The following SLC25A21 variants were observed in gnomAD, a reference collection of about 807,000 sequenced individuals.
The protein encoded by SLC25A21 is mitochondrial 2-oxodicarboxylate carrier.
SLC25A21 carries 47 observed loss-of-function variants against 43.8 expected under a neutral mutation model. The ratio of observed to expected loss-of-function variants is 1.07; its 90% CI spans 0.85 to 1.37. The LOEUF (loss-of-function observed/expected upper bound fraction) is 1.37, where lower values mean the gene tolerates loss of function less well. Among genes scored for constraint, SLC25A21 ranks in the 40% most tolerant of loss-of-function variants. SLC25A21 has a pLI of 0.00. For missense variants in SLC25A21, 352 were observed against 350.2 expected (o/e 1.00, Z -0.04); for synonymous variants, 131 against 121.3 (o/e 1.08, Z -0.52).
At chr14:36,902,575 C>T (rs1002774993) in intron 1 of SLC25A21, among the ~76,000 whole-genome samples, 6 of 152,166 alleles carry the variant, frequency 3.9e-5, no homozygotes, top group Non-Finnish European at 7.3e-5. Context: ...TCATAAACTA[C>T]TAGAAATTAT....
intron 3 of SLC25A21, among the ~76,000 whole-genome samples, chr14:36,747,934 C>A (rs901852249): frequency 2.6e-5 from 4 of 152,134 alleles, no homozygotes; most frequent in Non-Finnish European, 5.9e-5. Context: ...GTTTGTATTT[C>A]TACAGGAATT....
At chr14:36,924,420 T>G (rs1213767412) in intron 1 of SLC25A21, among the ~76,000 whole-genome samples, 2 of 151,520 alleles carry the variant, frequency 1.3e-5, no homozygotes, top group African/African-American at 2.4e-5. Context: ...GCAAACTATC[T>G]CAAGGACAAA....
chr14:37,158,163 A>C (rs1456768529), intron 1 of SLC25A21, among the ~76,000 whole-genome samples: 1 of 152,176 alleles, frequency 6.6e-6, no homozygotes, highest in Non-Finnish European at 1.5e-5. Flanking sequence ...TACAAAGAAA[A>C]ACTAATACCA....
intron 1 of SLC25A21, among the ~76,000 whole-genome samples, chr14:37,108,188 T>C (rs1962950334): frequency 6.6e-6 from 1 of 152,214 alleles, no homozygotes; most frequent in Non-Finnish European, 1.5e-5. Flanking sequence ...TTTCAAGTGT[T>C]ATACATGTCA....
intron 7 of SLC25A21, among the ~76,000 whole-genome samples, chr14:36,687,351 T>C (rs1409162328): frequency 6.6e-6 from 1 of 151,370 alleles, no homozygotes; most frequent in Admixed American, 6.6e-5. Flanking sequence ...TTTTACAAAA[T>C]ACAGATGCCT....
chr14:36,841,092 C>CCTTGAGTTT (rs1889370203), intron 2 of SLC25A21, among the ~76,000 whole-genome samples: 1 of 152,092 alleles, frequency 6.6e-6, no homozygotes, highest in Non-Finnish European at 1.5e-5. Context: ...ACCCAGATAG[C>CCTTGAGTTT]CTTGAGTTTC....
At chr14:36,689,284 T>C (rs1308565352) in intron 7 of SLC25A21, among the ~76,000 whole-genome samples, 1 of 152,184 alleles carries the variant, frequency 6.6e-6, no homozygotes, top group African/African-American at 2.4e-5. Context: ...CCTGCCTCCA[T>C]GATTCAACCA....
chr14:36,931,639 G>GT, intron 1 of SLC25A21, among the ~76,000 whole-genome samples: 1 of 152,276 alleles, frequency 6.6e-6, no homozygotes, highest in South Asian at 2.1e-4. Context: ...GGGGTTACGT[G>GT]TTAGAGGACT....
chr14:36,865,031 C>CA (rs1566687463), intron 2 of SLC25A21, among the ~76,000 whole-genome samples: 1 of 145,376 alleles, frequency 6.9e-6, no homozygotes, highest in Non-Finnish European at 1.5e-5. Flanking sequence ...TTCTTTCTTT[C>CA]TTTTTTTTTT....
chr14:37,080,109 T>C (rs796757098), intron 1 of SLC25A21, among the ~76,000 whole-genome samples: 3 of 152,284 alleles, frequency 2.0e-5, no homozygotes, highest in African/African-American at 7.2e-5. Context: ...CTATTGTTTA[T>C]AAACTACCCA....
At chr14:37,068,675 C>G (rs1184164395) in intron 1 of SLC25A21, among the ~76,000 whole-genome samples, 1 of 152,142 alleles carries the variant, frequency 6.6e-6, no homozygotes, top group Non-Finnish European at 1.5e-5. Flanking sequence ...TCTTTGCTTA[C>G]TTGCTTACAA....
chr14:37,139,072 GCAT>G (rs1963529635), intron 1 of SLC25A21, among the ~76,000 whole-genome samples: 1 of 151,978 alleles, frequency 6.6e-6, no homozygotes, highest in South Asian at 2.1e-4. Flanking sequence ...TACAGGAATC[GCAT>G]TAATCCATCA....
chr14:37,093,559 G>T (rs775537121), intron 1 of SLC25A21, among the ~76,000 whole-genome samples: 1 of 152,188 alleles, frequency 6.6e-6, no homozygotes, highest in African/African-American at 2.4e-5. Flanking sequence ...AGACTGACAC[G>T]TGACTAATTA....
chr14:36,737,105 A>C (rs1247897909), intron 3 of SLC25A21, among the ~76,000 whole-genome samples: 3 of 152,202 alleles, frequency 2.0e-5, no homozygotes, highest in Non-Finnish European at 4.4e-5. Flanking sequence ...TTCAATCCTC[A>C]GATTCTGTTA....
At chr14:36,994,632 T>C (rs1960332906) in intron 1 of SLC25A21, among the ~76,000 whole-genome samples, 1 of 152,124 alleles carries the variant, frequency 6.6e-6, no homozygotes, top group African/African-American at 2.4e-5. Flanking sequence ...GAACCCATCA[T>C]TGACTAAGAA....
At chr14:36,980,914 T>C (rs888106695) in intron 1 of SLC25A21, among the ~76,000 whole-genome samples, 5 of 152,158 alleles carry the variant, frequency 3.3e-5, no homozygotes, top group Admixed American at 6.5e-5. Flanking sequence ...ACCTACAGAA[T>C]GGGAGAAAAT....
chr14:36,815,614 T>C (rs1383498351), intron 2 of SLC25A21, among the ~76,000 whole-genome samples: 1 of 152,198 alleles, frequency 6.6e-6, no homozygotes, highest in African/African-American at 2.4e-5. Flanking sequence ...TCTTTTTTCT[T>C]CTTTTTGCAT....
At chr14:36,720,780 T>G (rs993469344) in intron 6 of SLC25A21, among the ~76,000 whole-genome samples, 2 of 152,274 alleles carry the variant, frequency 1.3e-5, no homozygotes, top group Non-Finnish European at 2.9e-5. Context: ...CTTCTGCTGC[T>G]AAGTGCTAGT....
intron 6 of SLC25A21, among the ~76,000 whole-genome samples, chr14:36,714,151 A>T (rs1366632664): frequency 2.0e-5 from 3 of 152,258 alleles, no homozygotes; most frequent in African/African-American, 7.2e-5. Context: ...AATGGCAATT[A>T]TGCTGACAAT....
Sources: gnomAD v4.1 joint callset for allele counts (sites outside exome capture counted in the v4.1 genomes callset) on GRCh38, gnomAD v4.1.1 for gene constraint, MANE v1.5 for transcripts, NCBI Gene and HGNC (gene_info 2026-07-23, HGNC 2026-07-21) for gene names.